BTAF1: variants seen among roughly 807,000 people sequenced by gnomAD.
The protein encoded by BTAF1 is B-TFIID TATA-box binding protein associated factor 1, also known as TATA-binding protein-associated factor 172.
BTAF1 carries 38 observed loss-of-function variants against 227.1 expected under a neutral mutation model. The observed-to-expected ratio is 0.17, with a 90% confidence interval of 0.13 to 0.22. The LOEUF (loss-of-function observed/expected upper bound fraction) is 0.22, where lower values mean the gene tolerates loss of function less well. Ranked by LOEUF, BTAF1 falls within the 10% of genes least tolerant of loss-of-function variation. The probability of loss-of-function intolerance (pLI) is 1.00; values close to 1 mark genes in which losing one functional copy is unlikely to be tolerated. For synonymous variants in BTAF1, 742 were observed against 751.9 expected (o/e 0.99, Z 0.21); for missense variants, 1,598 against 2,204.0 (o/e 0.73, Z 5.51).
chr10:91,961,612 C>A (rs1452809272), intron 11 of BTAF1, among the ~76,000 whole-genome samples: 3 of 152,172 alleles, frequency 2.0e-5, no homozygotes, highest in African/African-American at 7.2e-5. Context: ...CTCTTACCCC[C>A]ATAAACAAAA....
chr10:92,024,746 T>TTTTTTTTTG lies in BTAF1; in HGVS notation c.4864-10_4864-9insTTTTTTTTG. On this transcript the variant is annotated splice_polypyrimidine_tract_variant and intron_variant, in intron 34 of 37. Transcript: ENST00000265990. ...ACGCTTATGTAGTTTTTTTTTTTTT[T>TTTTTTTTTG]CTTCCTAAGTTGCTGTTGGACTGCG... 1 of 1,576,496 alleles carries TTTTTTTTTG rather than the reference T, an allele frequency of 6.3e-7. No individual in the cohort carries two copies.
chr10:91,968,870 TTTTA>T (rs1277058969), intron 14 of BTAF1, among the ~76,000 whole-genome samples: 2 of 152,014 alleles, frequency 1.3e-5, no homozygotes, highest in African/African-American at 4.8e-5. Flanking sequence ...TTTTGCCTAT[TTTTA>T]TTTATTTATT....
chr10:91,923,970 C>T lies in BTAF1; in HGVS notation c.-107C>T, dbSNP rs1843652289. ...ACGCCCCACGCCGCACCGGCCGCTC[C>T]CCTGTGCTCCGCGGCCTGGGCCTGC... On this transcript the variant is annotated 5_prime_UTR_variant, in exon 1 of 38. Transcript: ENST00000265990. 6 of 1,390,636 alleles carry T rather than the reference C, an allele frequency of 4.3e-6. No individual in the cohort carries two copies. The South Asian group carries it at 4.5e-5, about 10-fold the overall frequency. 86.1% of individuals were successfully genotyped at this position (1,390,636 alleles called of 1,614,324 possible). A position where few individuals can be genotyped will look rare whatever the true frequency, so the allele number is the denominator to read the frequency against.
chr10:91,984,767 T>C (rs549714210), intron 19 of BTAF1, among the ~76,000 whole-genome samples: 6 of 152,276 alleles, frequency 3.9e-5, no homozygotes, highest in South Asian at 2.1e-4. Flanking sequence ...TTCAAACATA[T>C]AGAAAAAGTG....
In BTAF1 at chr10:91,992,106, T is replaced by C. The variant is rs529954206; in HGVS notation, c.2855-13T>C. The C allele has an allele frequency of 2.1e-5, 33 of 1,545,138 alleles. 1 individual carries two copies. Among genetic ancestry groups the C allele is most frequent in the Non-Finnish European group, 2.9e-5 (33 of 1,143,606 alleles). The stretch of plus-strand genomic sequence containing the variant: ...ATTATGATTAAAAGGTTGTTTAACT[T>C]TTTTCTTATTAGGATCCACCTCAGA... On this transcript the variant is annotated splice_polypyrimidine_tract_variant and intron_variant, in intron 20 of 37. Transcript: ENST00000265990.
intron 13 of BTAF1, among the ~76,000 whole-genome samples, chr10:91,965,610 T>C (rs1205766799): frequency 6.6e-6 from 1 of 152,246 alleles, no homozygotes; most frequent in Non-Finnish European, 1.5e-5. Flanking sequence ...GTTTCAAATT[T>C]GCTTCATATA....
At chr10:91,991,271 A>ATAAAT (rs1564699914) in intron 20 of BTAF1, among the ~76,000 whole-genome samples, 1 of 66,230 alleles carries the variant, frequency 1.5e-5, no homozygotes, top group Admixed American at 2.2e-4. Flanking sequence ...TATAAATATA[A>ATAAAT]ATATATATAT....
intron 21 of BTAF1, 151 bp downstream of exon 21, chr10:91,992,460 A>G (rs1848858045): frequency 1.4e-6 from 1 of 725,824 alleles, no homozygotes; most frequent in African/African-American, 1.8e-5. Flanking sequence ...TGATCCAGAA[A>G]AACGGCAAAC....
In BTAF1 at chr10:91,993,680, C is replaced by T; in HGVS notation, c.3046-14C>T. The T allele has an allele frequency of 7.0e-7, 1 of 1,436,756 alleles. No homozygotes were observed. Among genetic ancestry groups the T allele is most frequent in the Admixed American group, 2.4e-5 (1 of 40,846 alleles). 89.0% of individuals were successfully genotyped at this position (1,436,756 alleles called of 1,614,324 possible). A position where few individuals can be genotyped will look rare whatever the true frequency, so the allele number is the denominator to read the frequency against. ...TTTCTGAAATTCTGTTTTTATCTAA[C>T]ATTTAATTTTAAGGCCCAGAAGCCT... On this transcript the variant is annotated splice_polypyrimidine_tract_variant and intron_variant, in intron 21 of 37. Coordinates refer to ENST00000265990, the MANE Select transcript of BTAF1 (RefSeq NM_003972.3).
At position 91,950,156 on chromosome 10, in the gene BTAF1, G is replaced by A. The variant is rs1056571345; in HGVS notation, c.401-1247G>A. Among the ~76,000 whole-genome samples the A allele has an allele frequency of 4.0e-4, 16 of 39,564 alleles. 1 individual carries two copies. The highest frequency in any genetic ancestry group is 1.1e-3 in the Admixed American group (3 of 2,802). The allele number at this position is 39,564 out of a possible 152,430, so 26.0% of individuals were successfully genotyped here. A position where few individuals can be genotyped will look rare whatever the true frequency, so the allele number is the denominator to read the frequency against. ...AGAGACCTTGTCCTTTGTGGGGGGG[G>A]GCGGGAAAGAAGACTAGGTTTTTAA... On this transcript the variant is annotated intron_variant, in intron 4 of 37. Transcript: ENST00000265990.
At chr10:91,948,452 T>A (rs533660372) in intron 4 of BTAF1, among the ~76,000 whole-genome samples, 2 of 151,782 alleles carry the variant, frequency 1.3e-5, no homozygotes, top group African/African-American at 4.8e-5. Flanking sequence ...TTCAGTGATA[T>A]GATCGTAGCT....
rs146906893 is a variant in BTAF1 at position 91,989,463 on chromosome 10, C to A, written c.2737C>A (p.Pro913Thr). 1.9e-5 allele frequency: 31 copies of A among 1,613,954 alleles called. No individual in the cohort carries two copies. The highest frequency in any genetic ancestry group is 2.5e-5 in the Non-Finnish European group (30 of 1,180,038). Residue 913 changes from proline (P) to threonine (T), a missense_variant, in exon 20 of 38, where the codon CCC becomes ACC. Pro to Thr is a conservative substitution (Grantham distance 38). Around this residue, in one of 10 missense-constraint regions of BTAF1, gnomAD observed 425 missense variants for 491.2 expected, o/e 0.87. Transcript: ENST00000265990. ...KLLQQCTTRTPCPNSKIIKNL... is the reference protein window; with the variant it reads ...KLLQQCTTRTTCPNSKIIKNL... ...CCTTCAGCAGTGCACAACAAGGACG[C>A]CCTGTCCCAATTCAAAAATTATTAA...
chr10:91,982,366 A>G, intron 17 of BTAF1, 141 bp downstream of exon 17: 1 of 1,185,970 alleles, frequency 8.4e-7, no homozygotes, highest in Non-Finnish European at 1.2e-6. Flanking sequence ...AGGAAAAATT[A>G]GAGTAAGCAA....
At position 91,927,010 on chromosome 10, in the gene BTAF1, A is replaced by T. The variant is rs76818509; in HGVS notation, c.14+2920A>T. ...GTCAACTTCTCTGTACTTCCCCTTC[A>T]CCTTCTTCTCTCTTCTATCCTCCAC... On this transcript the variant is annotated intron_variant, in intron 1 of 37. Transcript: ENST00000265990. 5.8e-4 allele frequency among the ~76,000 whole-genome samples: 88 copies of T among 151,134 alleles called. 1 individual carries two copies. The highest frequency in any genetic ancestry group is 3.4e-3 in the Middle Eastern group (1 of 294).
intron 34 of BTAF1, among the ~76,000 whole-genome samples, chr10:92,021,410 G>T (rs1171751325): frequency 6.6e-6 from 1 of 152,156 alleles, no homozygotes; most frequent in Non-Finnish European, 1.5e-5. Flanking sequence ...TATAAGAACG[G>T]TGTGAATTAG....
At chr10:91,930,804 CTGT>C (rs1564652422) in intron 1 of BTAF1, among the ~76,000 whole-genome samples, 1 of 152,114 alleles carries the variant, frequency 6.6e-6, no homozygotes, top group Non-Finnish European at 1.5e-5. Flanking sequence ...TAAAATTTTA[CTGT>C]ACTTTTGCCA....
chr10:91,970,814 T>C (rs1276463238), intron 14 of BTAF1, among the ~76,000 whole-genome samples: 1 of 152,226 alleles, frequency 6.6e-6, no homozygotes, highest in South Asian at 2.1e-4. Flanking sequence ...GTGAGAGATG[T>C]CAGACAGCAG....
chr10:91,966,687 A>C lies in BTAF1; in HGVS notation c.1580A>C (p.His527Pro). The C allele has an allele frequency of 6.2e-7, 1 of 1,613,910 alleles. No individual in the cohort carries two copies. Reference protein sequence around the residue: ...VLVPRVWPFLHHTISSVRRAA... With the variant: ...VLVPRVWPFLPHTISSVRRAA... ...GTTCCACGTGTCTGGCCTTTTTTGCATCACACTATATCATCAGTTCGAAGA... is the reference window on the plus strand; with the variant it reads ...GTTCCACGTGTCTGGCCTTTTTTGCCTCACACTATATCATCAGTTCGAAGA... The change falls in exon 14 of 38, where the codon CAT becomes CCT. Residue 527 changes from histidine to proline, a missense_variant. By Grantham distance (77) the His-to-Pro change is moderately conservative (BLOSUM62 -2). Transcript: ENST00000265990.
chr10:92,010,055 T>C (rs1311677534), intron 28 of BTAF1, among the ~76,000 whole-genome samples: 1 of 152,122 alleles, frequency 6.6e-6, no homozygotes, highest in Non-Finnish European at 1.5e-5. Flanking sequence ...TTTTCTTTTA[T>C]GTAAAATTGT....
Sources: allele counts gnomAD v4.1 joint callset (sites outside exome capture counted in the v4.1 genomes callset), GRCh38; gene constraint gnomAD v4.1.1; regional missense constraint gnomAD v4.1.1; transcripts MANE v1.5; gene names NCBI Gene and HGNC (gene_info 2026-07-23, HGNC 2026-07-21).